SPAG1: variants seen among roughly 807,000 people sequenced by gnomAD.
SPAG1 encodes sperm associated antigen 1.
Under a neutral mutation model 100.5 loss-of-function variants are expected in SPAG1, and 69 were observed. That is an observed-to-expected ratio of 0.69 (90% CI 0.57 to 0.84). The LOEUF (loss-of-function observed/expected upper bound fraction) is 0.84, where lower values mean the gene tolerates loss of function less well. SPAG1 is among the 40% of genes least tolerant of loss of function. The pLI is 0.00. For synonymous variants in SPAG1, 336 were observed against 411.6 expected (o/e 0.82, Z 2.22); for missense variants, 955 against 1,133.1 (o/e 0.84, Z 2.26).
chr8:100,213,096 C>T lies in SPAG1; in HGVS notation c.1103C>T (p.Ala368Val), dbSNP rs752257877. The change falls in exon 11 of 19, where the codon GCG (alanine) becomes GTG (valine). Residue 368 changes from alanine (A) to valine (V), a missense_variant. Physicochemically the swap from Ala to Val is moderately conservative, Grantham distance 64 (BLOSUM62 0). Coordinates refer to ENST00000388798, the MANE Select transcript of SPAG1 (RefSeq NM_003114.5). Reference protein sequence around the residue: ...HEDGGGDKKPAEPAGAARAAQ... With the variant: ...HEDGGGDKKPVEPAGAARAAQ... ...CGCATCCACTTCCTCACAGAGCCCG[C>T]GGAGCCGGCGGGAGCCGCGCGCGCC... 1.7e-3 allele frequency: 2,498 copies of T among 1,470,828 alleles called. 13 individuals carry two copies. Among genetic ancestry groups the T allele is most frequent in the Non-Finnish European group, 1.5e-3 (1,628 of 1,117,352 alleles). 91.1% of individuals were successfully genotyped at this position (1,470,828 alleles called of 1,614,324 possible).
chr8:100,221,221 C>T (rs1303467944), intron 13 of SPAG1, among the ~76,000 whole-genome samples: 1 of 152,206 alleles, frequency 6.6e-6, no homozygotes, highest in African/African-American at 2.4e-5. Context: ...GGAAACATAT[C>T]TCTTGTTTCT....
chr8:100,240,599 C>T lies in SPAG1; in HGVS notation c.2477C>T (p.Ala826Val). Residue 826 changes from alanine (A) to valine (V), a missense_variant, in exon 18 of 19, where the codon GCA (alanine) becomes GTA (valine). By Grantham distance (64) the Ala-to-Val change is moderately conservative. Coordinates refer to ENST00000388798, the MANE Select transcript of SPAG1 (RefSeq NM_003114.5). Reference sequence around the variant, plus strand: ...ACCAGGAAGGATAAAGAAGCCTGTGCACATCTTTTAGCCATCACTGCACCA... The same window carrying T: ...ACCAGGAAGGATAAAGAAGCCTGTGTACATCTTTTAGCCATCACTGCACCA... Reference protein sequence around the residue: ...LSTRKDKEACAHLLAITAPKD... With the variant: ...LSTRKDKEACVHLLAITAPKD... 1 of 1,614,094 alleles carries T rather than the reference C, an allele frequency of 6.2e-7. No individual in the cohort carries two copies. The highest frequency in any genetic ancestry group is 1.1e-5 in the South Asian group (1 of 91,072).
At position 100,240,274 on chromosome 8, in the gene SPAG1, T is replaced by C. The variant is rs888386964; in HGVS notation, c.2281-129T>C. 10 of 796,038 alleles carry C rather than the reference T, an allele frequency of 1.3e-5. No homozygotes were observed. In the African/African-American group the frequency reaches 1.4e-4, roughly 11 times the overall value. The allele number at this position is 796,038 out of a possible 1,614,324, so 49.3% of individuals were successfully genotyped here. ...CTTCCTAAAAAAAATTATTACAAAG[T>C]TTTCACTTGGAACTGGACTACAGTA... On this transcript the variant is annotated intron_variant, in intron 17 of 18. Coordinates refer to ENST00000388798, the MANE Select transcript of SPAG1 (RefSeq NM_003114.5).
rs569013150 is a variant in SPAG1 at position 100,163,740 on chromosome 8, A to C, written c.140+1320A>C. On this transcript the variant is annotated intron_variant, in intron 2 of 18. Transcript: ENST00000388798. ...TCCACAGCCAGATGCTGATGTGATA[A>C]CATCATCATTTTTAAAATGGAAAGT... is the stretch of plus-strand genomic sequence containing the variant. 1.7e-4 allele frequency among the ~76,000 whole-genome samples: 26 copies of C among 152,316 alleles called. 2 individuals are homozygous for C. In the South Asian group the frequency reaches 4.3e-3, roughly 25 times the overall value.
chr8:100,231,597 G>A (rs1390088047), intron 15 of SPAG1, among the ~76,000 whole-genome samples: 1 of 152,286 alleles, frequency 6.6e-6, no homozygotes, highest in East Asian at 1.9e-4. Context: ...CTGGCTTGCC[G>A]GCCTCGTTGC....
chr8:100,219,842 T>C (rs1376685685), intron 12 of SPAG1, among the ~76,000 whole-genome samples: 2 of 152,246 alleles, frequency 1.3e-5, no homozygotes, highest in Non-Finnish European at 2.9e-5. Context: ...CATAATGAAC[T>C]AATAAGTTTT....
At chr8:100,182,811 A>G (rs1337867758) in intron 4 of SPAG1, among the ~76,000 whole-genome samples, 1 of 152,136 alleles carries the variant, frequency 6.6e-6, no homozygotes, top group Non-Finnish European at 1.5e-5. Context: ...TTAAAATTTT[A>G]TATGTATATA....
intron 10 of SPAG1, 51 bp from the exon 11 acceptor site, chr8:100,213,021 CTCCGCGGCCTCCGCGGCA>C (rs1817792174): frequency 2.4e-6 from 3 of 1,261,670 alleles, no homozygotes; most frequent in Admixed American, 4.2e-5. Context: ...CCCCCGCGGC[CTCCGCGGCCTCCGCGGCA>C]ACTGCTCCCG....
chr8:100,236,938 T>TG (rs1380797685), intron 16 of SPAG1, among the ~76,000 whole-genome samples: 4 of 152,232 alleles, frequency 2.6e-5, no homozygotes, highest in African/African-American at 9.6e-5. Flanking sequence ...ATTGCTTTTA[T>TG]GGTTTCAGCA....
chr8:100,172,887 C>A (rs1815938140), intron 3 of SPAG1, among the ~76,000 whole-genome samples: 2 of 151,850 alleles, frequency 1.3e-5, no homozygotes, highest in African/African-American at 2.4e-5. Flanking sequence ...GGCTTGAGCT[C>A]AAAAATATGG....
At chr8:100,219,695 A>C (rs1017407948) in intron 12 of SPAG1, among the ~76,000 whole-genome samples, 1 of 152,232 alleles carries the variant, frequency 6.6e-6, no homozygotes, top group African/African-American at 2.4e-5. Flanking sequence ...CATGAGATAC[A>C]TCTTTAGTGA....
At chr8:100,240,016 G>A (rs1157523843) in intron 17 of SPAG1, among the ~76,000 whole-genome samples, 1 of 152,120 alleles carries the variant, frequency 6.6e-6, no homozygotes, top group African/African-American at 2.4e-5. Context: ...TGTAAGAGAA[G>A]CTAGGAAGGT....
At position 100,184,045 on chromosome 8, in the gene SPAG1, C is replaced by T. The variant is rs779180301; in HGVS notation, c.578C>T (p.Thr193Ile). The change falls in exon 6 of 19, where the codon ACA (threonine) becomes ATA (isoleucine). Residue 193 changes from threonine to isoleucine, a missense_variant. Transcript: ENST00000388798. The part of the protein sequence containing the change: ...IDKSHLSKIE[T>I]RIDTAGLTEK... ...AAGTCACACTTGTCTAAAATTGAGACAAGAATAGATACAGCAGGTAATTGG... is the reference window on the plus strand; with the variant it reads ...AAGTCACACTTGTCTAAAATTGAGATAAGAATAGATACAGCAGGTAATTGG... The T allele has an allele frequency of 1.7e-5, 25 of 1,458,142 alleles. No homozygotes were observed. Among genetic ancestry groups the T allele is most frequent in the South Asian group, 1.3e-5 (1 of 77,890 alleles). The allele number at this position is 1,458,142 out of a possible 1,614,324, so 90.3% of individuals were successfully genotyped here. A position where few individuals can be genotyped will look rare whatever the true frequency, so the allele number is the denominator to read the frequency against.
chr8:100,167,473 G>A (rs1815613843), intron 3 of SPAG1, among the ~76,000 whole-genome samples: 1 of 152,192 alleles, frequency 6.6e-6, no homozygotes, highest in African/African-American at 2.4e-5. Flanking sequence ...ATGTGAATAT[G>A]AGCTCTCTTT....
At position 100,188,957 on chromosome 8, in the gene SPAG1, C is replaced by G. The variant is rs533847776; in HGVS notation, c.832+1707C>G. 1.4e-4 allele frequency among the ~76,000 whole-genome samples: 21 copies of G among 152,304 alleles called. 1 individual carries two copies. The highest frequency in any genetic ancestry group is 4.6e-4 in the African/African-American group (19 of 41,542). On this transcript the variant is annotated intron_variant, in intron 8 of 18. Transcript: ENST00000388798. ...GCTCCCAGCTTTAGGCAGCAGCCCACTGAAGGTTTTGCCAACCCCATACCA... is the reference window on the plus strand; with the variant it reads ...GCTCCCAGCTTTAGGCAGCAGCCCAGTGAAGGTTTTGCCAACCCCATACCA...
chr8:100,212,402 T>A (rs1338533878), intron 10 of SPAG1, among the ~76,000 whole-genome samples: 1 of 152,244 alleles, frequency 6.6e-6, no homozygotes, highest in Admixed American at 6.5e-5. Flanking sequence ...ACACCATAAA[T>A]TAAATATTTA....
intron 10 of SPAG1, among the ~76,000 whole-genome samples, chr8:100,205,391 T>C (rs1318197721): frequency 6.6e-6 from 1 of 152,178 alleles, no homozygotes; most frequent in Non-Finnish European, 1.5e-5. Context: ...CAAAACATCA[T>C]TGCGGTCCTC....
At position 100,213,173 on chromosome 8, in the gene SPAG1, G is replaced by A. The variant is rs866362675; in HGVS notation, c.1180G>A (p.Glu394Lys). Reference protein sequence around the residue: ...NIQKKLTGKAEGGKRPARGAP... With the variant: ...NIQKKLTGKAKGGKRPARGAP... ...CCAGAAGAAGCTGACTGGCAAAGCC[G>A]AAGGCGGCAAGCGGCCGGCAAGGGG... is the stretch of plus-strand genomic sequence containing the variant. The change falls in exon 11 of 19, where the codon GAA becomes AAA. Residue 394 changes from glutamate to lysine, a missense_variant. Physicochemically the swap from Glu to Lys is moderately conservative, Grantham distance 56. Coordinates refer to ENST00000388798, the MANE Select transcript of SPAG1 (RefSeq NM_003114.5). 6.1e-6 allele frequency: 9 copies of A among 1,474,020 alleles called. No individual in the cohort carries two copies. The African/African-American group carries it at 1.0e-4, about 17-fold the overall frequency. The allele number at this position is 1,474,020 out of a possible 1,614,324, so 91.3% of individuals were successfully genotyped here.
chr8:100,223,435 T>C (rs578141055), intron 13 of SPAG1, among the ~76,000 whole-genome samples: 2 of 152,278 alleles, frequency 1.3e-5, no homozygotes, highest in Admixed American at 1.3e-4. Context: ...GATATTTTGT[T>C]GATGAGGAGG....
Sources: allele counts gnomAD v4.1 joint callset (sites outside exome capture counted in the v4.1 genomes callset), GRCh38; gene constraint gnomAD v4.1.1; transcripts MANE v1.5; gene names NCBI Gene and HGNC (gene_info 2026-07-23, HGNC 2026-07-21).